The following REDIC1 variants were observed in gnomAD, a reference collection of about 807,000 sequenced individuals.
REDIC1 encodes regulator of DNA class I crossover intermediates 1, also known as HEI10 Interacting Protein 1.
the REDIC1 span, among the ~76,000 whole-genome samples, chr12:39,712,382 A>ATGTATATATACATG: frequency 8.0e-6 from 1 of 124,860 alleles, no homozygotes; most frequent in Non-Finnish European, 1.7e-5. Flanking sequence ...ATATATACCT[A>ATGTATATATACATG]TATATATACC....
the REDIC1 span, among the ~76,000 whole-genome samples, chr12:39,638,732 A>G: frequency 4.6e-5 from 7 of 152,028 alleles, no homozygotes; most frequent in Non-Finnish European, 7.4e-5. Flanking sequence ...TTTGACATAT[A>G]TGTCAGAATC....
At chr12:39,780,947 A>G in the REDIC1 span, among the ~76,000 whole-genome samples, 2 of 152,256 alleles carry the variant, frequency 1.3e-5, no homozygotes, top group Admixed American at 1.3e-4. Flanking sequence ...TTACTGACAT[A>G]TAAGAGCTTT....
chr12:39,862,685 G>A, the REDIC1 span, among the ~76,000 whole-genome samples: 2 of 152,146 alleles, frequency 1.3e-5, no homozygotes, highest in African/African-American at 2.4e-5. Context: ...CTTAAGGAAA[G>A]GGGAAATGTA....
the REDIC1 span, among the ~76,000 whole-genome samples, chr12:39,868,403 C>T: frequency 6.6e-6 from 1 of 152,078 alleles, no homozygotes; most frequent in African/African-American, 2.4e-5. Flanking sequence ...CTCAAAAAAA[C>T]AAAATAATTT....
chr12:39,659,328 G>A, the REDIC1 span, among the ~76,000 whole-genome samples: 1 of 151,746 alleles, frequency 6.6e-6, no homozygotes. Flanking sequence ...TCTTGGATTT[G>A]TGGACTTATT....
At chr12:39,806,109 C>T in the REDIC1 span, among the ~76,000 whole-genome samples, 1 of 152,096 alleles carries the variant, frequency 6.6e-6, no homozygotes, top group Non-Finnish European at 1.5e-5. Flanking sequence ...AATTTGTATA[C>T]AAATATATGC....
chr12:39,803,577 C>CAT, the REDIC1 span, among the ~76,000 whole-genome samples: 16 of 152,038 alleles, frequency 1.1e-4, no homozygotes, highest in African/African-American at 2.9e-4. Context: ...CATACACACA[C>CAT]ATATATATAT....
the REDIC1 span, chr12:39,835,723 G>A: frequency 3.3e-5 from 5 of 152,146 alleles, no homozygotes; most frequent in African/African-American, 1.2e-4. Flanking sequence ...CCTGCAGGGT[G>A]GATCACCAAT....
chr12:39,760,273 T>C, the REDIC1 span: 1 of 1,580,720 alleles, frequency 6.3e-7, no homozygotes, highest in South Asian at 1.1e-5. Context: ...ATATAATAGA[T>C]ACATGAATAT....
chr12:39,852,783 A>G, the REDIC1 span, among the ~76,000 whole-genome samples: 2 of 152,188 alleles, frequency 1.3e-5, no homozygotes, highest in South Asian at 2.1e-4. Flanking sequence ...TCCTGAAACC[A>G]ATCAGATTGG....
At chr12:39,680,786 A>ACACT in the REDIC1 span, among the ~76,000 whole-genome samples, 2 of 149,586 alleles carry the variant, frequency 1.3e-5, no homozygotes, top group African/African-American at 4.9e-5. Context: ...ACACACACAC[A>ACACT]CTCTCTCACA....
chr12:39,753,797 T>G, the REDIC1 span, among the ~76,000 whole-genome samples: 1 of 152,078 alleles, frequency 6.6e-6, no homozygotes, highest in Non-Finnish European at 1.5e-5. Flanking sequence ...ATTGATAACC[T>G]TCACTACACA....
chr12:39,812,361 TC>T, the REDIC1 span, among the ~76,000 whole-genome samples: 3 of 146,052 alleles, frequency 2.1e-5, no homozygotes, highest in Non-Finnish European at 4.5e-5. Context: ...TCTTTTCTTT[TC>T]TTTTCTTTTC....
chr12:39,819,175 T>C, the REDIC1 span, among the ~76,000 whole-genome samples: 1 of 152,312 alleles, frequency 6.6e-6, no homozygotes, highest in Non-Finnish European at 1.5e-5. Context: ...AGTCTCATTT[T>C]TAAGCCTTAA....
chr12:39,768,700 G>A, the REDIC1 span, among the ~76,000 whole-genome samples: 4 of 151,878 alleles, frequency 2.6e-5, no homozygotes, highest in Non-Finnish European at 2.9e-5. Flanking sequence ...TGTGATGCCC[G>A]ACAACAATTA....
the REDIC1 span, among the ~76,000 whole-genome samples, chr12:39,843,806 G>GT: frequency 1.3e-5 from 2 of 151,910 alleles, no homozygotes; most frequent in East Asian, 1.9e-4. Context: ...TTTTGTTATT[G>GT]TTTTTTAATA....
the REDIC1 span, among the ~76,000 whole-genome samples, chr12:39,809,807 T>A: frequency 6.6e-6 from 1 of 152,172 alleles, no homozygotes; most frequent in Non-Finnish European, 1.5e-5. Context: ...GGTTTCCAGC[T>A]TCATCCATGT....
At chr12:39,687,510 A>G in the REDIC1 span, among the ~76,000 whole-genome samples, 1 of 152,110 alleles carries the variant, frequency 6.6e-6, no homozygotes, top group African/African-American at 2.4e-5. Flanking sequence ...CTTTTAACCA[A>G]CCAGATCTCA....
At chr12:39,856,371 A>ATTTC in the REDIC1 span, among the ~76,000 whole-genome samples, 4 of 151,848 alleles carry the variant, frequency 2.6e-5, no homozygotes, top group African/African-American at 9.7e-5. Context: ...TATTTTATTT[A>ATTTC]TTTTATTTTA....
Sources: gnomAD v4.1 joint callset for allele counts (sites outside exome capture counted in the v4.1 genomes callset) on GRCh38, gnomAD v4.1.1 for gene constraint, MANE v1.5 for transcripts, NCBI Gene and HGNC (gene_info 2026-07-23, HGNC 2026-07-21) for gene names.